The following TTLL5 variants were observed in gnomAD, a reference collection of about 807,000 sequenced individuals.
TTLL5 encodes tubulin tyrosine ligase like 5, also known as tubulin polyglutamylase TTLL5.
In TTLL5, 132 loss-of-function variants were observed where a neutral mutation model predicts 168.4. The ratio of observed to expected loss-of-function variants is 0.78; its 90% CI spans 0.68 to 0.91. The LOEUF (loss-of-function observed/expected upper bound fraction) is 0.91, where lower values mean the gene tolerates loss of function less well. Ranked by LOEUF, TTLL5 falls within the 40% of genes least tolerant of loss-of-function variation. The pLI, the probability that TTLL5 is intolerant of heterozygous loss-of-function variation, is 0.00. For synonymous variants in TTLL5, 546 were observed against 558.6 expected (o/e 0.98, Z 0.32); for missense variants, 1,545 against 1,581.5 (o/e 0.98, Z 0.39).
At chr14:75,856,058 A>G (rs1464346362) in intron 28 of TTLL5, among the ~76,000 whole-genome samples, 2 of 152,238 alleles carry the variant, frequency 1.3e-5, no homozygotes, top group African/African-American at 4.8e-5. Context: ...ATATGCTTTA[A>G]TGAATGAAAA....
At position 75,954,084 on chromosome 14, in the gene TTLL5, TA is replaced by T. The variant is rs1406311652; in HGVS notation, c.3824-335del. On this transcript the variant is annotated intron_variant, in intron 31 of 31. Coordinates refer to ENST00000298832, the MANE Select transcript of TTLL5 (RefSeq NM_015072.5). ...TAACACGGTGAAACCCCATCTCCAC[TA>T]AAAATACAAAAAAATTAGCCGGGTA... 2.0e-5 allele frequency among the ~76,000 whole-genome samples: 3 copies of T among 151,864 alleles called. No homozygotes were observed. In the South Asian group the frequency reaches 6.3e-4, roughly 32 times the overall value.
chr14:75,878,395 A>G (rs139779269), intron 29 of TTLL5, among the ~76,000 whole-genome samples: 219 of 152,266 alleles, frequency 1.4e-3, no homozygotes, highest in Middle Eastern at 3.4e-3. Flanking sequence ...CTTTTACCCT[A>G]TGCCTATCCA....
chr14:75,805,807 C>T (rs1221072980), intron 27 of TTLL5, among the ~76,000 whole-genome samples: 1 of 152,114 alleles, frequency 6.6e-6, no homozygotes, highest in Non-Finnish European at 1.5e-5. Context: ...AGGAATGGAG[C>T]CATTGGTTTA....
chr14:75,787,447 C>A (rs1255886045), intron 26 of TTLL5, among the ~76,000 whole-genome samples: 1 of 152,064 alleles, frequency 6.6e-6, no homozygotes, highest in African/African-American at 2.4e-5. Flanking sequence ...TCAGTTCAGT[C>A]AAAAGTTAAA....
At chr14:75,687,975 G>A (rs1885192453) in intron 5 of TTLL5, among the ~76,000 whole-genome samples, 1 of 152,218 alleles carries the variant, frequency 6.6e-6, no homozygotes, top group African/African-American at 2.4e-5. Context: ...CACTTTTGCT[G>A]GCGGGAATGC....
In TTLL5 at chr14:75,669,413, T is replaced by C. The variant is rs117173802; in HGVS notation, c.75-3T>C. ...ATTAATGAAGGCTTTTTTGTCGTTA[T>C]AGGGATCATCCATGCATCATGTGGA... On this transcript the variant is annotated splice_region_variant and splice_polypyrimidine_tract_variant and intron_variant, in intron 2 of 31. Transcript: ENST00000298832. The C allele has an allele frequency of 0.018, 29,107 of 1,612,052 alleles. 333 individuals carry two copies. Among genetic ancestry groups the C allele is most frequent in the South Asian group, 0.037 (3,402 of 90,872 alleles).
Position 75,665,302 on chromosome 14 carries a change from T to G in TTLL5, c.74+2079T>G, listed in dbSNP as rs577952805. Among the ~76,000 whole-genome samples, 218 of 152,306 alleles carry G rather than the reference T, an allele frequency of 1.4e-3. 1 individual carries two copies. The highest frequency in any genetic ancestry group is 5.1e-3 in the African/African-American group (213 of 41,574). On this transcript the variant is annotated intron_variant, in intron 2 of 31. Transcript: ENST00000298832. Reference sequence around the variant, plus strand: ...TAAAGACAACAACATGAAGACTGTTTTTGTTTAGTTTGTGTAAGATCAGTA... The same window carrying G: ...TAAAGACAACAACATGAAGACTGTTGTTGTTTAGTTTGTGTAAGATCAGTA...
chr14:75,752,445 C>T (rs1023979123), intron 17 of TTLL5, among the ~76,000 whole-genome samples: 6 of 152,194 alleles, frequency 3.9e-5, no homozygotes, highest in Non-Finnish European at 8.8e-5. Context: ...CAGTAGACAT[C>T]GAGGAGCCAC....
chr14:75,779,507 A>T, intron 23 of TTLL5, 68 bp from the exon 24 acceptor site: 1 of 1,579,732 alleles, frequency 6.3e-7, no homozygotes, highest in African/African-American at 1.4e-5. Context: ...TGTTTTCATA[A>T]TAAAATCTGG....
chr14:75,790,644 T>C (rs1193956859), intron 26 of TTLL5, among the ~76,000 whole-genome samples: 5 of 151,726 alleles, frequency 3.3e-5, no homozygotes, highest in African/African-American at 9.7e-5. Flanking sequence ...AGCTAAGTTT[T>C]TGTAGAGAAG....
chr14:75,863,682 G>C lies in TTLL5; in HGVS notation c.3342G>C (p.Gly1114=). The C allele has an allele frequency of 6.2e-7, 1 of 1,610,142 alleles. No homozygotes were observed. The highest frequency in any genetic ancestry group is 8.5e-7 in the Non-Finnish European group (1 of 1,178,216). ...SSPGSRSLQT[G]GFAWEGEVEN... The stretch of plus-strand genomic sequence containing the variant: ...TTCTCTTCAGGAGCCTGCAGACAGG[G>C]GGATTTGCCTGGGAAGGAGAAGTAG... The change falls in exon 29 of 32, where the codon GGG becomes GGC. Residue 1114 remains glycine, a synonymous_variant. Coordinates refer to ENST00000298832, the MANE Select transcript of TTLL5 (RefSeq NM_015072.5).
intron 26 of TTLL5, among the ~76,000 whole-genome samples, chr14:75,789,782 C>A (rs960170795): frequency 6.6e-6 from 1 of 152,140 alleles, no homozygotes; most frequent in Non-Finnish European, 1.5e-5. Flanking sequence ...ATCAAAGTTT[C>A]CATTTTCATC....
At chr14:75,763,630 A>T (rs182012412) in intron 18 of TTLL5, among the ~76,000 whole-genome samples, 2 of 152,180 alleles carry the variant, frequency 1.3e-5, no homozygotes, top group Admixed American at 6.5e-5. Flanking sequence ...AGTTGGCTAC[A>T]TGCTTTCAGT....
At chr14:75,949,283 C>T (rs1595322420) in intron 31 of TTLL5, among the ~76,000 whole-genome samples, 1 of 150,956 alleles carries the variant, frequency 6.6e-6, no homozygotes, top group Non-Finnish European at 1.5e-5. Context: ...ACAAAAGATA[C>T]GTAAGACCTG....
At chr14:75,810,843 A>G (rs536445156) in intron 27 of TTLL5, among the ~76,000 whole-genome samples, 1 of 152,346 alleles carries the variant, frequency 6.6e-6, no homozygotes, top group African/African-American at 2.4e-5. Context: ...AAGGCACAAC[A>G]TCTGTATGTC....
At chr14:75,898,561 G>T (rs1299115678) in intron 30 of TTLL5, among the ~76,000 whole-genome samples, 1 of 152,158 alleles carries the variant, frequency 6.6e-6, no homozygotes, top group East Asian at 1.9e-4. Context: ...AGGATCACCT[G>T]AGCCCAGGAA....
chr14:75,767,835 A>G (rs1194412449), intron 20 of TTLL5, among the ~76,000 whole-genome samples: 1 of 152,200 alleles, frequency 6.6e-6, no homozygotes, highest in Non-Finnish European at 1.5e-5. Flanking sequence ...GAAGGCCTTG[A>G]TCAGAGTAAT....
At chr14:75,846,649 G>T (rs1896558784) in intron 28 of TTLL5, among the ~76,000 whole-genome samples, 2 of 152,096 alleles carry the variant, frequency 1.3e-5, no homozygotes, top group South Asian at 4.2e-4. Flanking sequence ...AATCAGCCAG[G>T]CATGGTGGCG....
intron 28 of TTLL5, among the ~76,000 whole-genome samples, chr14:75,821,961 T>C (rs1894857533): frequency 6.6e-6 from 1 of 152,158 alleles, no homozygotes; most frequent in African/African-American, 2.4e-5. Context: ...CCCTGGGACA[T>C]TTTCCTCTAC....
Sources: gnomAD v4.1 joint callset for allele counts (sites outside exome capture counted in the v4.1 genomes callset) on GRCh38, gnomAD v4.1.1 for gene constraint, MANE v1.5 for transcripts, NCBI Gene and HGNC (gene_info 2026-07-23, HGNC 2026-07-21) for gene names.